MPDZ: variants seen among roughly 807,000 people sequenced by gnomAD.
MPDZ encodes multiple PDZ domain protein.
Under a neutral mutation model 239.1 loss-of-function variants are expected in MPDZ, and 234 were observed. The observed-to-expected ratio is 0.98, with a 90% CI of 0.88 to 1.09. The LOEUF (loss-of-function observed/expected upper bound fraction) is 1.09. Among genes scored for constraint, MPDZ ranks in the 50% least tolerant of loss-of-function variants. MPDZ has a pLI of 0.00. For missense variants in MPDZ, 3,175 were observed against 2,510.0 expected, an observed-to-expected ratio of 1.26 and a Z score of -5.66; for synonymous variants, 1,048 against 881.3, an observed-to-expected ratio of 1.19 and a Z score of -3.35.
chr9:13,165,388 T>C (rs894153511), intron 22 of MPDZ: 7 of 1,549,472 alleles, frequency 4.5e-6, no homozygotes, highest in Non-Finnish European at 5.2e-6. Context: ...GGCTCGATCG[T>C]CAGCAGGTGC....
At chr9:13,251,227 C>T (rs1219375529) in intron 1 of MPDZ, among the ~76,000 whole-genome samples, 4 of 149,624 alleles carry the variant, frequency 2.7e-5, no homozygotes, top group Non-Finnish European at 4.4e-5. Flanking sequence ...TACTTTAAAT[C>T]ACGGATGAAA....
At chr9:13,140,302 A>T (rs1017796803) in intron 27 of MPDZ, among the ~76,000 whole-genome samples, 153 bp from the exon 28 acceptor site, 3 of 148,872 alleles carry the variant, frequency 2.0e-5, no homozygotes, top group Admixed American at 6.7e-5. Context: ...TATATATATA[A>T]AATATCTAAC....
At position 13,198,233 on chromosome 9, in the gene MPDZ, CT is replaced by C. The variant is rs1955898541; in HGVS notation, c.1547-2004del. On this transcript the variant is annotated intron_variant, in intron 12 of 46. Transcript: ENST00000319217. ...CATCAACAGCATTATGAGGGTTCCCCTTTCTCCACATCCTTGTCAGCATTCA... is the reference window on the plus strand; with the variant it reads ...CATCAACAGCATTATGAGGGTTCCCCTTCTCCACATCCTTGTCAGCATTCA... Among the ~76,000 whole-genome samples the C allele has an allele frequency of 5.9e-5, 9 of 152,168 alleles. No homozygotes were observed. The South Asian group carries it at 1.9e-3, about 32-fold the overall frequency.
At chr9:13,230,105 A>G (rs1961935793) in intron 3 of MPDZ, among the ~76,000 whole-genome samples, 1 of 152,310 alleles carries the variant, frequency 6.6e-6, no homozygotes, top group African/African-American at 2.4e-5. Flanking sequence ...ATCATTAGCC[A>G]TTAAAGAAAT....
intron 39 of MPDZ, among the ~76,000 whole-genome samples, chr9:13,115,634 A>C (rs2131329132): frequency 1.3e-5 from 2 of 150,678 alleles, no homozygotes; most frequent in South Asian, 4.4e-4. Flanking sequence ...AAACACACTA[A>C]TTTTGATAGG....
chr9:13,262,990 CG>C (rs1971024493), intron 1 of MPDZ, among the ~76,000 whole-genome samples: 1 of 152,044 alleles, frequency 6.6e-6, no homozygotes, highest in South Asian at 2.1e-4. Context: ...TAGCCGCATA[CG>C]GGGGGACTCA....
intron 29 of MPDZ, among the ~76,000 whole-genome samples, 194 bp downstream of exon 29, chr9:13,137,763 T>C (rs927192445): frequency 5.9e-5 from 9 of 152,176 alleles, no homozygotes; most frequent in Admixed American, 4.6e-4. Flanking sequence ...GACCTTTTAA[T>C]GGAAGTTAAT....
chr9:13,164,517 G>C (rs544781721), intron 22 of MPDZ, among the ~76,000 whole-genome samples: 1 of 151,968 alleles, frequency 6.6e-6, no homozygotes, highest in Admixed American at 6.6e-5. Context: ...CCAGGAAAAG[G>C]TCAGGGAAGA....
At chr9:13,130,086 T>C (rs1350407938) in intron 32 of MPDZ, among the ~76,000 whole-genome samples, 2 of 152,206 alleles carry the variant, frequency 1.3e-5, no homozygotes, top group Non-Finnish European at 2.9e-5. Flanking sequence ...AGAAGGCTAC[T>C]ACCTGCTTTG....
chr9:13,190,354 T>C lies in MPDZ; in HGVS notation c.1969-55A>G, dbSNP rs564006288. 68 of 1,347,056 alleles carry C rather than the reference T, an allele frequency of 5.0e-5. No homozygotes were observed. The South Asian group carries it at 1.4e-3, about 27-fold the overall frequency. The allele number at this position is 1,347,056 out of a possible 1,614,324, so 83.4% of individuals were successfully genotyped here. ...GAGGCATTGCATTAGCTGACACACATACCAACACTACAAGAAAAGGGATAT... is the reference window on the plus strand; with the variant it reads ...GAGGCATTGCATTAGCTGACACACACACCAACACTACAAGAAAAGGGATAT... On this transcript the variant is annotated intron_variant, in intron 15 of 46. Coordinates refer to ENST00000319217, the MANE Select transcript of MPDZ (RefSeq NM_001378778.1).
chr9:13,264,541 A>C (rs540816230), intron 1 of MPDZ, among the ~76,000 whole-genome samples: 1 of 152,100 alleles, frequency 6.6e-6, no homozygotes, highest in Non-Finnish European at 1.5e-5. Context: ...TGCTGGACTA[A>C]CTCAACCGAC....
chr9:13,197,587 A>G (rs1196244485), intron 12 of MPDZ, among the ~76,000 whole-genome samples: 9 of 152,132 alleles, frequency 5.9e-5, no homozygotes, highest in Admixed American at 5.9e-4. Flanking sequence ...TCCCTTAAAC[A>G]TTTATTATAT....
intron 27 of MPDZ, among the ~76,000 whole-genome samples, chr9:13,140,506 T>G (rs953858794): frequency 3.3e-5 from 5 of 149,440 alleles, no homozygotes; most frequent in South Asian, 2.1e-4. Flanking sequence ...TATGTATATA[T>G]ATAGATAGAT....
intron 1 of MPDZ, among the ~76,000 whole-genome samples, chr9:13,272,457 G>A (rs1973199974): frequency 6.6e-6 from 1 of 152,090 alleles, no homozygotes; most frequent in South Asian, 2.1e-4. Context: ...AACAGCATAG[G>A]ATAACTGCAT....
chr9:13,168,770 C>T (rs1385398102), intron 21 of MPDZ, among the ~76,000 whole-genome samples: 1 of 151,566 alleles, frequency 6.6e-6, no homozygotes, highest in East Asian at 1.9e-4. Context: ...TGTATATAGT[C>T]AATACATTAT....
At chr9:13,129,599 C>A (rs1309466173) in intron 32 of MPDZ, among the ~76,000 whole-genome samples, 1 of 152,106 alleles carries the variant, frequency 6.6e-6, no homozygotes, top group Non-Finnish European at 1.5e-5. Context: ...CTTACTTTTA[C>A]CAGAGTGCAT....
intron 3 of MPDZ, among the ~76,000 whole-genome samples, chr9:13,229,520 A>T (rs1370370977): frequency 6.6e-6 from 1 of 151,740 alleles, no homozygotes; most frequent in Non-Finnish European, 1.5e-5. Context: ...ATGATTTAAA[A>T]AAAAAAAAAG....
At chr9:13,239,684 T>C (rs917262734) in intron 3 of MPDZ, among the ~76,000 whole-genome samples, 2 of 152,176 alleles carry the variant, frequency 1.3e-5, no homozygotes, top group African/African-American at 4.8e-5. Context: ...TATTAAGCAA[T>C]CAGTTTTAGA....
chr9:13,137,061 C>A (rs1946926445), intron 29 of MPDZ, among the ~76,000 whole-genome samples: 1 of 152,060 alleles, frequency 6.6e-6, no homozygotes. Context: ...ACCACTTGGA[C>A]CAACTGCAGG....
Sources: allele counts gnomAD v4.1 joint callset (sites outside exome capture counted in the v4.1 genomes callset), GRCh38; gene constraint gnomAD v4.1.1; transcripts MANE v1.5; gene names NCBI Gene and HGNC (gene_info 2026-07-23, HGNC 2026-07-21).